Variants in TSHZ2 observed in about 807,000 individuals in gnomAD.
The protein encoded by TSHZ2 is teashirt zinc finger homeobox 2.
TSHZ2 carries 21 observed loss-of-function variants against 74.4 expected under a neutral mutation model. That is an observed-to-expected ratio of 0.28 (90% CI 0.20 to 0.41). TSHZ2 has a LOEUF of 0.41. TSHZ2 is among the 10% of genes least tolerant of loss of function. TSHZ2 has a pLI of 1.00. For missense variants in TSHZ2, 1,244 were observed against 1,293.5 expected, an observed-to-expected ratio of 0.96 and a Z score of 0.59; for synonymous variants, 540 against 515.3, an observed-to-expected ratio of 1.05 and a Z score of -0.65.
intron 2 of TSHZ2, among the ~76,000 whole-genome samples, chr20:53,386,470 T>C (rs1167646538): frequency 6.6e-6 from 1 of 152,202 alleles, no homozygotes; most frequent in Non-Finnish European, 1.5e-5. Context: ...TGAAAGTATG[T>C]TGTGAGCTGG....
chr20:53,452,108 T>C (rs1984811096), intron 2 of TSHZ2, among the ~76,000 whole-genome samples: 1 of 152,180 alleles, frequency 6.6e-6, no homozygotes. Flanking sequence ...AGATGACTAA[T>C]GAAGGGGACA....
chr20:53,011,938 T>G (rs1437294818), intron 1 of TSHZ2, among the ~76,000 whole-genome samples: 2 of 152,080 alleles, frequency 1.3e-5, no homozygotes, highest in African/African-American at 4.8e-5. Context: ...AGTTATGAGG[T>G]AGGTACAATT....
intron 2 of TSHZ2, among the ~76,000 whole-genome samples, chr20:53,292,673 C>A (rs1991302211): frequency 2.0e-5 from 3 of 152,176 alleles, no homozygotes; most frequent in African/African-American, 7.2e-5. Flanking sequence ...TATAAACCAC[C>A]TTCTGGCTAC....
intron 2 of TSHZ2, among the ~76,000 whole-genome samples, chr20:53,435,590 T>C (rs984902417): frequency 5.3e-4 from 80 of 152,238 alleles, no homozygotes; most frequent in Non-Finnish European, 2.1e-4. Context: ...CTTGGCTCAC[T>C]GCAACCTCTG....
At chr20:53,415,539 C>T (rs1261228332) in intron 2 of TSHZ2, among the ~76,000 whole-genome samples, 1 of 152,074 alleles carries the variant, frequency 6.6e-6, no homozygotes, top group Non-Finnish European at 1.5e-5. Context: ...CTAGCACACT[C>T]TTACTATCCT....
At chr20:52,995,586 A>G (rs1317551151) in intron 1 of TSHZ2, among the ~76,000 whole-genome samples, 2 of 150,846 alleles carry the variant, frequency 1.3e-5, no homozygotes, top group Non-Finnish European at 3.0e-5. Flanking sequence ...TGAGGTTCCA[A>G]TCTAGGTTAT....
chr20:53,068,179 A>G (rs1844351948), intron 1 of TSHZ2, among the ~76,000 whole-genome samples: 2 of 152,176 alleles, frequency 1.3e-5, no homozygotes, highest in Admixed American at 1.3e-4. Context: ...GAATAACGTC[A>G]TATTCACGGG....
chr20:53,083,813 T>C (rs748936279), intron 1 of TSHZ2, among the ~76,000 whole-genome samples: 2 of 152,104 alleles, frequency 1.3e-5, no homozygotes, highest in African/African-American at 4.8e-5. Context: ...CCAGTTTGCA[T>C]TGATAACTTG....
intron 1 of TSHZ2, among the ~76,000 whole-genome samples, chr20:53,056,078 A>G (rs1187874675): frequency 6.6e-6 from 1 of 152,084 alleles, no homozygotes; most frequent in Admixed American, 6.5e-5. Flanking sequence ...TCTGAATTCT[A>G]CTCTTAGAAT....
At chr20:53,243,459 C>T (rs184499761) in intron 1 of TSHZ2, among the ~76,000 whole-genome samples, 2 of 152,246 alleles carry the variant, frequency 1.3e-5, no homozygotes, top group East Asian at 1.9e-4. Context: ...TCCTTTGATT[C>T]GATCAAATTG....
At chr20:53,018,294 G>A (rs895235874) in intron 1 of TSHZ2, among the ~76,000 whole-genome samples, 8 of 152,158 alleles carry the variant, frequency 5.3e-5, no homozygotes, top group African/African-American at 1.9e-4. Flanking sequence ...CAGCAGTTTT[G>A]TAGACAATCA....
chr20:53,446,810 G>A (rs1216867960), intron 2 of TSHZ2, among the ~76,000 whole-genome samples: 3 of 152,154 alleles, frequency 2.0e-5, no homozygotes, highest in African/African-American at 7.2e-5. Flanking sequence ...CACAAATGGG[G>A]TCTACAGAAG....
intron 2 of TSHZ2, among the ~76,000 whole-genome samples, chr20:53,303,324 A>G (rs562461317): frequency 3.9e-5 from 6 of 152,336 alleles, no homozygotes; most frequent in African/African-American, 1.4e-4. Flanking sequence ...TTAATCAGAG[A>G]AACTGTTTTT....
chr20:53,226,153 C>T (rs1600752755), intron 1 of TSHZ2, among the ~76,000 whole-genome samples: 1 of 123,132 alleles, frequency 8.1e-6, no homozygotes, highest in African/African-American at 3.2e-5. Flanking sequence ...CACACACACA[C>T]ACACACATGC....
At chr20:52,998,203 CTG>C (rs1236457516) in intron 1 of TSHZ2, among the ~76,000 whole-genome samples, 4 of 152,134 alleles carry the variant, frequency 2.6e-5, no homozygotes, top group Admixed American at 2.6e-4. Context: ...GAGTCTTGCT[CTG>C]TCACCCAGGC....
intron 2 of TSHZ2, among the ~76,000 whole-genome samples, chr20:53,382,798 C>G (rs1037959170): frequency 6.6e-6 from 1 of 152,146 alleles, no homozygotes; most frequent in Non-Finnish European, 1.5e-5. Context: ...AAAGAGACAA[C>G]CTGGTGTGTG....
At chr20:53,462,715 T>C (rs1472854625) in intron 2 of TSHZ2, among the ~76,000 whole-genome samples, 1 of 152,196 alleles carries the variant, frequency 6.6e-6, no homozygotes, top group African/African-American at 2.4e-5. Flanking sequence ...AGCCTTGAAT[T>C]ACTTTGAGAA....
intron 1 of TSHZ2, among the ~76,000 whole-genome samples, chr20:53,221,414 A>G (rs905381462): frequency 2.6e-5 from 4 of 152,216 alleles, no homozygotes; most frequent in South Asian, 4.1e-4. Context: ...GTGGGTATCT[A>G]TAGGGGCCAC....
chr20:53,053,102 A>T (rs1311924260), intron 1 of TSHZ2, among the ~76,000 whole-genome samples: 1 of 152,120 alleles, frequency 6.6e-6, no homozygotes, highest in Non-Finnish European at 1.5e-5. Flanking sequence ...GTCTCTATAG[A>T]TTGACCTGTT....
Sources: allele counts gnomAD v4.1 joint callset (sites outside exome capture counted in the v4.1 genomes callset), GRCh38; gene constraint gnomAD v4.1.1; transcripts MANE v1.5; gene names NCBI Gene and HGNC (gene_info 2026-07-23, HGNC 2026-07-21).